The following AGMO variants were observed in gnomAD, a reference collection of about 807,000 sequenced individuals.
The protein encoded by AGMO is glyceryl-ether monooxygenase.
A neutral mutation model predicts 60.2 loss-of-function variants in AGMO; 75 were observed. The ratio of observed to expected loss-of-function variants is 1.25; its 90% CI spans 1.03 to 1.51. The LOEUF (loss-of-function observed/expected upper bound fraction) is 1.51. Ranked by LOEUF, AGMO falls within the 40% of genes most tolerant of loss-of-function variation. The pLI is 0.00. For synonymous variants in AGMO, 261 were observed against 177.1 expected, an observed-to-expected ratio of 1.47 and a Z score of -3.76; for missense variants, 763 against 525.5, an observed-to-expected ratio of 1.45 and a Z score of -4.42.
chr7:15,171,064 C>T, the AGMO span, among the ~76,000 whole-genome samples: 12 of 152,130 alleles, frequency 7.9e-5, no homozygotes, highest in African/African-American at 2.4e-4. Flanking sequence ...AAAGCTCCGT[C>T]TCCCAGGACG....
At chr7:15,458,748 G>A (rs1434806770) in intron 3 of AGMO, among the ~76,000 whole-genome samples, 1 of 152,066 alleles carries the variant, frequency 6.6e-6, no homozygotes, top group African/African-American at 2.4e-5. Context: ...AGAAAACTGA[G>A]CATCAAAAGG....
chr7:15,547,821 A>T (rs1168711230), intron 2 of AGMO, among the ~76,000 whole-genome samples: 2 of 152,012 alleles, frequency 1.3e-5, no homozygotes, highest in Admixed American at 6.5e-5. Context: ...ACCACAGCTC[A>T]AGGAGGCCTG....
At chr7:15,334,313 T>G (rs1327711535) in intron 12 of AGMO, among the ~76,000 whole-genome samples, 2 of 56,252 alleles carry the variant, frequency 3.6e-5, no homozygotes, top group South Asian at 1.3e-3. Context: ...CTTGGTGAGT[T>G]TTTTTTTTTT....
chr7:15,121,976 C>T, the AGMO span, among the ~76,000 whole-genome samples: 1 of 152,078 alleles, frequency 6.6e-6, no homozygotes. Context: ...CTAGGCAATA[C>T]CATTCAGGAC....
chr7:15,467,720 C>A (rs1782332023), intron 3 of AGMO, among the ~76,000 whole-genome samples: 1 of 152,094 alleles, frequency 6.6e-6, no homozygotes, highest in African/African-American at 2.4e-5. Context: ...AATATTATTT[C>A]TCAGGCAGTT....
At chr7:15,153,573 T>C in the AGMO span, among the ~76,000 whole-genome samples, 1 of 152,176 alleles carries the variant, frequency 6.6e-6, no homozygotes, top group Non-Finnish European at 1.5e-5. Flanking sequence ...TTGTCAATTA[T>C]CCCAGCACCA....
intron 12 of AGMO, among the ~76,000 whole-genome samples, chr7:15,325,627 C>T (rs1217322150): frequency 1.3e-5 from 2 of 151,890 alleles, no homozygotes; most frequent in African/African-American, 2.4e-5. Flanking sequence ...ATGGTTGAAA[C>T]AGAAAAAATA....
chr7:15,344,535 C>G (rs1420936584), intron 12 of AGMO, among the ~76,000 whole-genome samples: 1 of 151,886 alleles, frequency 6.6e-6, no homozygotes, highest in East Asian at 1.9e-4. Context: ...CCGTTTCTAC[C>G]AAAAATACAA....
chr7:15,336,849 G>A (rs1232060021), intron 12 of AGMO, among the ~76,000 whole-genome samples: 1 of 152,108 alleles, frequency 6.6e-6, no homozygotes, highest in Non-Finnish European at 1.5e-5. Flanking sequence ...GGCAAATCAA[G>A]ATGGCCTAAA....
At chr7:15,535,681 A>G (rs1784468198) in intron 3 of AGMO, among the ~76,000 whole-genome samples, 3 of 151,980 alleles carry the variant, frequency 2.0e-5, no homozygotes, top group Admixed American at 2.0e-4. Context: ...CTAGGTGTAT[A>G]TATTTATGGG....
At chr7:15,368,649 A>C (rs777638611) in intron 10 of AGMO, among the ~76,000 whole-genome samples, 9 of 152,192 alleles carry the variant, frequency 5.9e-5, no homozygotes, top group Non-Finnish European at 1.3e-4. Flanking sequence ...ATTGATGGTC[A>C]TGGTTAGTAT....
intron 12 of AGMO, among the ~76,000 whole-genome samples, chr7:15,364,051 C>A (rs1392898386): frequency 6.6e-6 from 1 of 151,650 alleles, no homozygotes; most frequent in African/African-American, 2.4e-5. Context: ...AACTGTAATG[C>A]AGAATATATT....
intron 9 of AGMO, 48 bp from the exon 10 acceptor site, chr7:15,385,610 T>C: frequency 9.3e-7 from 1 of 1,075,256 alleles, no homozygotes; most frequent in Non-Finnish European, 1.4e-6. Context: ...GACTCATTTT[T>C]CTTACTGAAA....
intron 12 of AGMO, among the ~76,000 whole-genome samples, chr7:15,244,812 T>A (rs767414851): frequency 1.3e-5 from 2 of 151,944 alleles, no homozygotes; most frequent in Non-Finnish European, 2.9e-5. Context: ...CCACCATGCG[T>A]GGCTAATTTT....
At chr7:15,287,604 A>G (rs933214727) in intron 12 of AGMO, among the ~76,000 whole-genome samples, 2 of 152,216 alleles carry the variant, frequency 1.3e-5, no homozygotes, top group African/African-American at 4.8e-5. Flanking sequence ...TAGTATGTGT[A>G]CTATATTTTA....
the AGMO span, among the ~76,000 whole-genome samples, chr7:15,167,722 C>G: frequency 6.6e-6 from 1 of 152,192 alleles, no homozygotes; most frequent in African/African-American, 2.4e-5. Context: ...GACATTTACA[C>G]CTATCAGTGC....
intron 3 of AGMO, among the ~76,000 whole-genome samples, chr7:15,495,819 ACT>A (rs779052709): frequency 7.9e-5 from 11 of 139,622 alleles, no homozygotes; most frequent in African/African-American, 8.1e-5. Flanking sequence ...GGGGATGGAG[ACT>A]CTCTCTCTCT....
intron 2 of AGMO, among the ~76,000 whole-genome samples, chr7:15,551,990 G>A (rs1784973984): frequency 6.6e-6 from 1 of 151,960 alleles, no homozygotes; most frequent in South Asian, 2.1e-4. Flanking sequence ...CAATGGAACA[G>A]AACAGAGCCC....
chr7:15,182,630 T>C, the AGMO span, among the ~76,000 whole-genome samples: 6 of 152,272 alleles, frequency 3.9e-5, no homozygotes, highest in African/African-American at 1.4e-4. Flanking sequence ...TTTCCCAGGC[T>C]GGTCTTGAAC....
Sources: gnomAD v4.1 joint callset for allele counts (sites outside exome capture counted in the v4.1 genomes callset) on GRCh38, gnomAD v4.1.1 for gene constraint, MANE v1.5 for transcripts, NCBI Gene and HGNC (gene_info 2026-07-23, HGNC 2026-07-21) for gene names.